The following MARCHF1 variants were observed in gnomAD, a reference collection of about 807,000 sequenced individuals.
The protein encoded by MARCHF1 is E3 ubiquitin-protein ligase MARCHF1.
Under a neutral mutation model 54.2 loss-of-function variants are expected in MARCHF1, and 40 were observed. The ratio of observed to expected loss-of-function variants is 0.74; its 90% CI spans 0.57 to 0.96. The LOEUF is 0.96. MARCHF1 is among the 40% of genes least tolerant of loss of function. The pLI is 0.00. For missense variants in MARCHF1, 586 were observed against 656.5 expected, an observed-to-expected ratio of 0.89 and a Z score of 1.17; for synonymous variants, 236 against 236.3, an observed-to-expected ratio of 1.00 and a Z score of 0.01.
intron 1 of MARCHF1, among the ~76,000 whole-genome samples, chr4:164,115,035 C>G (rs960176050): frequency 1.3e-5 from 2 of 151,926 alleles, no homozygotes; most frequent in Admixed American, 6.6e-5. Context: ...CAATGAGCCA[C>G]TCTGCTGAAA....
intron 1 of MARCHF1, among the ~76,000 whole-genome samples, chr4:164,224,038 A>G (rs1295526033): frequency 6.7e-6 from 1 of 150,318 alleles, no homozygotes; most frequent in Non-Finnish European, 1.5e-5. Flanking sequence ...ATTCTCTTTT[A>G]CAGCATCTTT....
intron 2 of MARCHF1, among the ~76,000 whole-genome samples, chr4:164,095,636 T>C (rs531302030): frequency 1.2e-4 from 19 of 152,270 alleles, no homozygotes; most frequent in African/African-American, 4.6e-4. Flanking sequence ...ATGAACTGTA[T>C]CTGTTACTGT....
chr4:163,939,760 T>C (rs1326081784), intron 3 of MARCHF1, among the ~76,000 whole-genome samples: 2 of 152,142 alleles, frequency 1.3e-5, no homozygotes, highest in African/African-American at 4.8e-5. Flanking sequence ...GGGACATTTG[T>C]GGTTGGGGTT....
chr4:163,648,646 ATGT>A (rs1258951304), intron 5 of MARCHF1, among the ~76,000 whole-genome samples: 1 of 150,526 alleles, frequency 6.6e-6, no homozygotes, highest in East Asian at 1.9e-4. Context: ...AGGAAAGCAA[ATGT>A]TGTTGGAAAA....
intron 1 of MARCHF1, among the ~76,000 whole-genome samples, chr4:164,259,857 T>C (rs13107163): frequency 0.12 from 17,691 of 152,200 alleles, 1,620 homozygotes; most frequent in African/African-American, 0.25. Context: ...GTTGTCTTTC[T>C]GCAATTTGCA....
intron 1 of MARCHF1, among the ~76,000 whole-genome samples, chr4:164,287,550 T>C (rs913484243): frequency 1.3e-5 from 2 of 152,210 alleles, no homozygotes; most frequent in African/African-American, 4.8e-5. Flanking sequence ...TCGCTCTTCC[T>C]AATTACTTTG....
At chr4:163,736,259 T>G (rs62333003) in intron 4 of MARCHF1, among the ~76,000 whole-genome samples, 13,521 of 152,104 alleles carry the variant, frequency 0.089, 772 homozygotes, top group Non-Finnish European at 0.13. Flanking sequence ...TAGGGGTTAC[T>G]TGAACACAAG....
intron 1 of MARCHF1, among the ~76,000 whole-genome samples, chr4:164,123,497 A>T (rs933844254): frequency 3.3e-5 from 5 of 152,312 alleles, no homozygotes; most frequent in South Asian, 2.1e-4. Flanking sequence ...ACCCAAAGCT[A>T]TCCTAAGCAA....
At chr4:163,616,813 T>C (rs1011565303) in intron 5 of MARCHF1, among the ~76,000 whole-genome samples, 11 of 151,004 alleles carry the variant, frequency 7.3e-5, no homozygotes, top group African/African-American at 2.7e-4. Flanking sequence ...ATTGTTGGAA[T>C]GTAATTTAGT....
At chr4:164,243,961 G>A (rs1398158119) in intron 1 of MARCHF1, among the ~76,000 whole-genome samples, 1 of 152,190 alleles carries the variant, frequency 6.6e-6, no homozygotes, top group African/African-American at 2.4e-5. Context: ...CATAAAGCAA[G>A]TCTGAGTGAC....
At chr4:163,731,526 A>G (rs926978721) in intron 4 of MARCHF1, among the ~76,000 whole-genome samples, 4 of 152,188 alleles carry the variant, frequency 2.6e-5, no homozygotes, top group African/African-American at 7.2e-5. Flanking sequence ...AGTGATTAGC[A>G]AGTTCCCTCA....
intron 4 of MARCHF1, among the ~76,000 whole-genome samples, chr4:163,771,232 A>T (rs996082808): frequency 6.6e-6 from 1 of 152,024 alleles, no homozygotes; most frequent in Non-Finnish European, 1.5e-5. Context: ...TAGTGAGGAG[A>T]GGCCAGGGAT....
At chr4:163,598,222 T>A (rs1268859123) in intron 7 of MARCHF1, among the ~76,000 whole-genome samples, 1 of 152,200 alleles carries the variant, frequency 6.6e-6, no homozygotes, top group Non-Finnish European at 1.5e-5. Context: ...CATTTTCAGA[T>A]CCCTGCATTT....
intron 3 of MARCHF1, among the ~76,000 whole-genome samples, chr4:163,936,020 T>C (rs751227025): frequency 6.6e-6 from 1 of 152,152 alleles, no homozygotes; most frequent in Non-Finnish European, 1.5e-5. Flanking sequence ...ACTTAGTGGC[T>C]ATCGTATGGT....
intron 1 of MARCHF1, among the ~76,000 whole-genome samples, chr4:164,325,021 G>A (rs1456546405): frequency 1.3e-5 from 2 of 151,806 alleles, no homozygotes; most frequent in East Asian, 1.9e-4. Context: ...AGAATATCGA[G>A]AGTGGACAAC....
At chr4:164,052,459 G>A (rs536260453) in intron 2 of MARCHF1, among the ~76,000 whole-genome samples, 1 of 152,108 alleles carries the variant, frequency 6.6e-6, no homozygotes, top group South Asian at 2.1e-4. Flanking sequence ...TTGAACCCGG[G>A]AGGTGGAGGT....
chr4:163,711,208 A>C (rs1380578026), intron 4 of MARCHF1, among the ~76,000 whole-genome samples: 1 of 152,108 alleles, frequency 6.6e-6, no homozygotes, highest in Non-Finnish European at 1.5e-5. Flanking sequence ...CATTCTGTAA[A>C]TTTAATTTTC....
intron 4 of MARCHF1, among the ~76,000 whole-genome samples, chr4:163,728,535 T>TAA (rs1008781666): frequency 6.6e-6 from 1 of 152,214 alleles, no homozygotes; most frequent in Admixed American, 6.5e-5. Context: ...TATTTACACG[T>TAA]AAGTCTTCAT....
chr4:163,639,195 G>C (rs1405467818), intron 5 of MARCHF1, among the ~76,000 whole-genome samples: 1 of 152,090 alleles, frequency 6.6e-6, no homozygotes, highest in Non-Finnish European at 1.5e-5. Context: ...AACCACAAAT[G>C]GGACACAGAA....
Sources: gnomAD v4.1 joint callset for allele counts (sites outside exome capture counted in the v4.1 genomes callset) on GRCh38, gnomAD v4.1.1 for gene constraint, MANE v1.5 for transcripts, NCBI Gene and HGNC (gene_info 2026-07-23, HGNC 2026-07-21) for gene names.